The following NRXN2 variants were observed in gnomAD, a reference collection of about 807,000 sequenced individuals.
NRXN2 encodes neurexin-2-beta.
Under a neutral mutation model 128.8 loss-of-function variants are expected in NRXN2, and 29 were observed. That is an observed-to-expected ratio of 0.23 (90% CI 0.17 to 0.31). NRXN2 has a LOEUF of 0.31. Among genes scored for constraint, NRXN2 ranks in the 10% least tolerant of loss-of-function variants. NRXN2 has a pLI of 1.00. For missense variants in NRXN2, 1,881 were observed against 2,452.6 expected, an observed-to-expected ratio of 0.77 and a Z score of 4.92; for synonymous variants, 1,098 against 1,075.2, an observed-to-expected ratio of 1.02 and a Z score of -0.41.
chr11:64,719,324 A>T (rs1305987869), intron 1 of NRXN2, among the ~76,000 whole-genome samples: 1 of 152,228 alleles, frequency 6.6e-6, no homozygotes, highest in African/African-American at 2.4e-5. Flanking sequence ...CATAAATGGC[A>T]GAGCTGGGAT....
Position 64,648,139 on chromosome 11 carries a change from T to G in NRXN2, c.3403+80A>C, listed in dbSNP as rs1163519133. On this transcript the variant is annotated intron_variant, in intron 17 of 22. Coordinates refer to ENST00000265459, the MANE Select transcript of NRXN2 (RefSeq NM_015080.4). The surrounding 1 kb of genome is among the most constrained non-coding windows in gnomAD (Gnocchi z 4.1). ...ACAGCTCCTGAATGCTCAGAGGCCC[T>G]GTTTCCTCCCTGGCAGCCCCTATGG... 3 of 1,597,452 alleles carry G rather than the reference T, an allele frequency of 1.9e-6. No homozygotes were observed. The highest frequency in any genetic ancestry group is 2.6e-6 in the Non-Finnish European group (3 of 1,167,228).
intron 1 of NRXN2, among the ~76,000 whole-genome samples, chr11:64,720,906 C>T (rs1359205640): frequency 2.0e-5 from 3 of 152,000 alleles, no homozygotes; most frequent in Non-Finnish European, 2.9e-5. Flanking sequence ...GGTGTGCCTG[C>T]GATGGCTGTG....
chr11:64,642,537 A>G (rs1362307978), intron 17 of NRXN2: 1 of 1,607,694 alleles, frequency 6.2e-7, no homozygotes. Context: ...AGTGCCACTT[A>G]CCGTGGCCGC....
chr11:64,688,708 T>G lies in NRXN2; in HGVS notation c.850+1697A>C, dbSNP rs913405439. On this transcript the variant is annotated intron_variant, in intron 5 of 22. Transcript: ENST00000265459. The stretch of plus-strand genomic sequence containing the variant: ...GCTGATGCTCGTTTATCTCCCACAG[T>G]TGGGGAGTCTGTAGCCCTACAAGTG... 1.2e-5 allele frequency: 12 copies of G among 985,162 alleles called. No homozygotes were observed. In the African/African-American group the frequency reaches 1.9e-4, roughly 16 times the overall value. 61.0% of individuals were successfully genotyped at this position (985,162 alleles called of 1,614,324 possible).
chr11:64,617,493 G>C (rs1453146962), intron 22 of NRXN2, among the ~76,000 whole-genome samples: 6 of 152,252 alleles, frequency 3.9e-5, no homozygotes, highest in African/African-American at 1.4e-4. Context: ...AAATAACCGT[G>C]TAGATGATGG....
intron 9 of NRXN2, among the ~76,000 whole-genome samples, chr11:64,661,980 T>C (rs1185742410): frequency 6.6e-6 from 1 of 151,744 alleles, no homozygotes; most frequent in Non-Finnish European, 1.5e-5. Context: ...TGGCCGGGCA[T>C]GGTGGTTCAC....
At chr11:64,712,059 A>C (rs1208375933) in intron 2 of NRXN2, among the ~76,000 whole-genome samples, 1 of 151,872 alleles carries the variant, frequency 6.6e-6, no homozygotes, top group Non-Finnish European at 1.5e-5. Flanking sequence ...ACCTTCAAAG[A>C]CTGCGACCCA....
intron 5 of NRXN2, among the ~76,000 whole-genome samples, chr11:64,689,485 T>C (rs1052924215): frequency 6.6e-6 from 1 of 152,186 alleles, no homozygotes; most frequent in Non-Finnish European, 1.5e-5. Flanking sequence ...CAGAGCCCAT[T>C]GGCTCATATA....
chr11:64,711,894 G>A (rs1020181336), intron 2 of NRXN2, among the ~76,000 whole-genome samples: 13 of 152,116 alleles, frequency 8.5e-5, no homozygotes, highest in Non-Finnish European at 7.3e-5. Context: ...AGAAACACTC[G>A]CTTCCTGGCC....
intron 11 of NRXN2, chr11:64,659,361 T>G (rs1353202849): frequency 2.0e-5 from 3 of 152,258 alleles, no homozygotes; most frequent in Admixed American, 2.0e-4. Context: ...GCTGAATGAG[T>G]GAACCTGCTG....
chr11:64,720,773 G>A (rs2057414089), intron 1 of NRXN2, among the ~76,000 whole-genome samples: 1 of 152,160 alleles, frequency 6.6e-6, no homozygotes, highest in African/African-American at 2.4e-5. Flanking sequence ...TGAGCTTGCT[G>A]GGGGGCAGGG....
chr11:64,653,315 C>T (rs2047749343), intron 12 of NRXN2, among the ~76,000 whole-genome samples: 2 of 152,102 alleles, frequency 1.3e-5, no homozygotes, highest in South Asian at 4.1e-4. Context: ...TATTCCAGCC[C>T]CTCTCAGGCT....
At chr11:64,677,989 G>C (rs989744927) in intron 6 of NRXN2, among the ~76,000 whole-genome samples, 82 of 152,170 alleles carry the variant, frequency 5.4e-4, no homozygotes, top group Non-Finnish European at 1.2e-3. Context: ...GCAAAAGGAA[G>C]GGGTTCCCAA....
chr11:64,666,399 A>C (rs1365441718), intron 9 of NRXN2, among the ~76,000 whole-genome samples: 4 of 151,110 alleles, frequency 2.6e-5, no homozygotes, highest in African/African-American at 7.3e-5. Flanking sequence ...ACTGGGTTTC[A>C]CCATGTTGGC....
In NRXN2 at chr11:64,667,793, T is replaced by C. The variant is rs2050094921; in HGVS notation, c.1360-105A>G. On this transcript the variant is annotated intron_variant, in intron 8 of 22. Coordinates refer to ENST00000265459, the MANE Select transcript of NRXN2 (RefSeq NM_015080.4). The surrounding 1 kb of genome is among the most constrained non-coding windows in gnomAD (Gnocchi z 5.6). ...CAGGGGACCCAGCCACCCACCCCTG[T>C]AGCCCCTGCTCAGTTCCACCAGACC... The C allele has an allele frequency of 1.9e-6, 2 of 1,036,458 alleles. No individual in the cohort carries two copies. Among genetic ancestry groups the C allele is most frequent in the Non-Finnish European group, 1.5e-6 (1 of 681,952 alleles). The allele number at this position is 1,036,458 out of a possible 1,614,324, so 64.2% of individuals were successfully genotyped here. A position where few individuals can be genotyped will look rare whatever the true frequency, so the allele number is the denominator to read the frequency against.
intron 3 of NRXN2, 126 bp from the exon 4 acceptor site, chr11:64,693,002 T>C: frequency 2.9e-6 from 2 of 700,664 alleles, no homozygotes; most frequent in Non-Finnish European, 4.8e-6. Context: ...AAAAAAGCTT[T>C]TGCTGCCACA....
At chr11:64,707,384 C>CA (rs1056912729) in intron 2 of NRXN2, among the ~76,000 whole-genome samples, 267 of 78,630 alleles carry the variant, frequency 3.4e-3, no homozygotes, top group Middle Eastern at 0.018. Context: ...GACTCCGTCT[C>CA]AAAAAAAAAA....
Position 64,707,782 on chromosome 11 carries a change from CT to C in NRXN2, c.730+5187del, listed in dbSNP as rs1208204022. Among the ~76,000 whole-genome samples, 5 of 152,278 alleles carry C rather than the reference CT, an allele frequency of 3.3e-5. No individual in the cohort carries two copies. The East Asian group carries it at 9.6e-4, about 29-fold the overall frequency. ...ACAACACACTGGACAGCTTTTTTATCTGCTTCCTCAATTTAATAGTCAACTC... is the reference window on the plus strand; with the variant it reads ...ACAACACACTGGACAGCTTTTTTATCGCTTCCTCAATTTAATAGTCAACTC... On this transcript the variant is annotated intron_variant, in intron 2 of 22. Transcript: ENST00000265459.
At chr11:64,637,135 G>C (rs1210043003) in intron 17 of NRXN2, among the ~76,000 whole-genome samples, 1 of 151,912 alleles carries the variant, frequency 6.6e-6, no homozygotes, top group East Asian at 1.9e-4. Context: ...CCCAGAGTGA[G>C]AGGTGACCCT....
Sources: allele counts gnomAD v4.1 joint callset (sites outside exome capture counted in the v4.1 genomes callset), GRCh38; gene constraint gnomAD v4.1.1; non-coding constraint Gnocchi (gnomAD v3.1); transcripts MANE v1.5; gene names NCBI Gene and HGNC (gene_info 2026-07-23, HGNC 2026-07-21).